EPB41L3: variants seen among roughly 807,000 people sequenced by gnomAD.
EPB41L3 encodes band 4.1-like protein 3.
In EPB41L3, 57 loss-of-function variants were observed where a neutral mutation model predicts 127.1. The observed-to-expected ratio is 0.45, with a 90% CI of 0.36 to 0.56. The LOEUF (loss-of-function observed/expected upper bound fraction) is 0.56, where lower values mean the gene tolerates loss of function less well. EPB41L3 is among the 20% of genes least tolerant of loss of function. EPB41L3 has a pLI of 0.00. For synonymous variants in EPB41L3, 572 were observed against 549.5 expected, an observed-to-expected ratio of 1.04 and a Z score of -0.57; for missense variants, 1,273 against 1,372.2, an observed-to-expected ratio of 0.93 and a Z score of 1.14.
In EPB41L3 at chr18:5,395,287, A is replaced by C. The variant is rs2073186549; in HGVS notation, c.3073-140T>G. 6.3e-6 allele frequency: 5 copies of C among 794,872 alleles called. No individual in the cohort carries two copies. The East Asian group carries it at 1.3e-4, about 21-fold the overall frequency. The allele number at this position is 794,872 out of a possible 1,614,324, so 49.2% of individuals were successfully genotyped here. A position where few individuals can be genotyped will look rare whatever the true frequency, so the allele number is the denominator to read the frequency against. Reference sequence around the variant, plus strand: ...TAGAGTTCTATGGCACTTATTTCACATTTTTAATTCCAGAGGTGAGGACGG... The same window carrying C: ...TAGAGTTCTATGGCACTTATTTCACCTTTTTAATTCCAGAGGTGAGGACGG... On this transcript the variant is annotated intron_variant, in intron 20 of 22. Transcript: ENST00000341928.
At chr18:5,530,672 T>C (rs1402150675) in intron 1 of EPB41L3, among the ~76,000 whole-genome samples, 3 of 152,118 alleles carry the variant, frequency 2.0e-5, no homozygotes, top group Admixed American at 6.5e-5. Flanking sequence ...GACTCCAGAC[T>C]CTATCCAGCT....
At chr18:5,541,491 A>G (rs540397241) in intron 1 of EPB41L3, among the ~76,000 whole-genome samples, 4 of 151,772 alleles carry the variant, frequency 2.6e-5, no homozygotes, top group Admixed American at 1.3e-4. Flanking sequence ...AATATACTAT[A>G]TAAGTCCAGA....
In EPB41L3 at chr18:5,543,922, G is replaced by T; in HGVS notation, c.-21C>A. On this transcript the variant is annotated 5_prime_UTR_variant, in exon 1 of 23. In the 5' UTR this introduces an upstream ATG that the reference lacks. Transcript: ENST00000341928. This position sits in a 1 kb window ranked among gnomAD's most constrained non-coding sequence, Gnocchi z 5.2. ...GAGGCGGAAAAGTTACCTGGGATCA[G>T]CAGGGAGCCCGGGCGCGCCGCGGCG... is the stretch of plus-strand genomic sequence containing the variant. 2 of 985,652 alleles carry T rather than the reference G, an allele frequency of 2.0e-6. No homozygotes were observed. The highest frequency in any genetic ancestry group is 2.4e-6 in the Non-Finnish European group (2 of 830,066). 61.1% of individuals were successfully genotyped at this position (985,652 alleles called of 1,614,324 possible). A position where few individuals can be genotyped will look rare whatever the true frequency, so the allele number is the denominator to read the frequency against.
At chr18:5,424,232 T>C (rs1316327169) in intron 10 of EPB41L3, 30 bp downstream of exon 10, 1 of 1,459,102 alleles carries the variant, frequency 6.9e-7, no homozygotes, top group Non-Finnish European at 9.3e-7. Context: ...AATTATTCCT[T>C]AGGGAAAAAA....
chr18:5,572,772 C>T (rs1431276511), intron 3 of EPB41L3, among the ~76,000 whole-genome samples: 1 of 152,118 alleles, frequency 6.6e-6, no homozygotes, highest in Non-Finnish European at 1.5e-5. Context: ...CCGGGTCTTG[C>T]TATGTTGCCC....
At chr18:5,447,448 CTTTTTT>C (rs10694622) in intron 3 of EPB41L3, among the ~76,000 whole-genome samples, 1 of 114,128 alleles carries the variant, frequency 8.8e-6, no homozygotes, top group Non-Finnish European at 1.7e-5. Context: ...AGCTAGACTA[CTTTTTT>C]TTTTTTTTTT....
At chr18:5,451,400 T>A (rs561767679) in intron 3 of EPB41L3, among the ~76,000 whole-genome samples, 1 of 152,220 alleles carries the variant, frequency 6.6e-6, no homozygotes, top group Non-Finnish European at 1.5e-5. Flanking sequence ...AGTCCTCTCA[T>A]CCTTCAAGGG....
chr18:5,552,645 G>A (rs1269189398), intron 3 of EPB41L3, among the ~76,000 whole-genome samples: 1 of 152,274 alleles, frequency 6.6e-6, no homozygotes, highest in East Asian at 1.9e-4. Context: ...CCAGGGATCT[G>A]TTTTCACTAA....
chr18:5,525,454 A>T (rs1197022741), intron 1 of EPB41L3, among the ~76,000 whole-genome samples: 1 of 152,192 alleles, frequency 6.6e-6, no homozygotes, highest in Non-Finnish European at 1.5e-5. Context: ...CATAAATCCA[A>T]TGAGGCTAGT....
At chr18:5,468,689 G>A (rs1004412324) in intron 3 of EPB41L3, among the ~76,000 whole-genome samples, 8 of 152,216 alleles carry the variant, frequency 5.3e-5, no homozygotes, top group African/African-American at 1.9e-4. Flanking sequence ...GAGGCGGGCA[G>A]ATCATCTGAG....
chr18:5,554,733 A>G (rs893020939), intron 3 of EPB41L3, among the ~76,000 whole-genome samples: 12 of 152,222 alleles, frequency 7.9e-5, no homozygotes, highest in Non-Finnish European at 1.5e-4. Flanking sequence ...GGGCAATTTA[A>G]TAAGCATTTA....
At chr18:5,584,175 C>T (rs1568607870) in intron 3 of EPB41L3, among the ~76,000 whole-genome samples, 1 of 152,152 alleles carries the variant, frequency 6.6e-6, no homozygotes, top group African/African-American at 2.4e-5. Flanking sequence ...GGGTTCTCTA[C>T]CCATAATGCC....
At chr18:5,571,284 T>G (rs2094277116) in intron 3 of EPB41L3, among the ~76,000 whole-genome samples, 1 of 152,242 alleles carries the variant, frequency 6.6e-6, no homozygotes, top group South Asian at 2.1e-4. Flanking sequence ...TATTAGAAAA[T>G]TATTCTTTAG....
chr18:5,478,445 AGAGCAAACAATCAACAGTTT>A lies in EPB41L3; in HGVS notation c.184-27_184-8del. The A allele has an allele frequency of 6.2e-7, 1 of 1,613,742 alleles. No individual in the cohort carries two copies. The highest frequency in any genetic ancestry group is 8.5e-7 in the Non-Finnish European group (1 of 1,179,726). On this transcript the variant is annotated splice_polypyrimidine_tract_variant and splice_region_variant and intron_variant, in intron 2 of 22. Transcript: ENST00000341928. ...CCTGTTCCTTGTCAGTGACCTGTGA[AGAGCAAACAATCAACAGTTT>A]TCATTGCAAGGTGGGAAATAAATAT...
chr18:5,469,345 C>G (rs931987043), intron 3 of EPB41L3, among the ~76,000 whole-genome samples: 2 of 152,224 alleles, frequency 1.3e-5, no homozygotes, highest in African/African-American at 4.8e-5. Context: ...TGGGTACCCA[C>G]AGCAGAAGTT....
In EPB41L3 at chr18:5,491,029, A is replaced by G. The variant is rs944122149; in HGVS notation, c.-11-1835T>C. The stretch of plus-strand genomic sequence containing the variant: ...TTTTCTTCATCTTCTTTTGGTAACT[A>G]AGCTTTCAGATCTAGCAGGTGCCTC... On this transcript the variant is annotated intron_variant, in intron 1 of 22. Transcript: ENST00000341928. Among the ~76,000 whole-genome samples the G allele has an allele frequency of 9.2e-5, 14 of 152,238 alleles. 1 individual carries two copies. Among genetic ancestry groups the G allele is most frequent in the Admixed American group, 8.5e-4 (13 of 15,288 alleles).
At chr18:5,474,850 A>C (rs1315722966) in intron 3 of EPB41L3, among the ~76,000 whole-genome samples, 1 of 152,152 alleles carries the variant, frequency 6.6e-6, no homozygotes, top group South Asian at 2.1e-4. Context: ...GCATCTGAGG[A>C]ATCAGTGGCT....
At chr18:5,542,827 A>G (rs569534597) in intron 1 of EPB41L3, among the ~76,000 whole-genome samples, 35 of 152,362 alleles carry the variant, frequency 2.3e-4, no homozygotes, top group South Asian at 1.7e-3. Context: ...CACCCACCGC[A>G]TTGCAGAAGC....
intron 3 of EPB41L3, among the ~76,000 whole-genome samples, chr18:5,460,190 A>C (rs766887650): frequency 5.3e-5 from 8 of 152,194 alleles, no homozygotes; most frequent in Non-Finnish European, 8.8e-5. Flanking sequence ...TGCTGAGGAT[A>C]ATCACTGGCT....
Sources: gnomAD v4.1 joint callset for allele counts (sites outside exome capture counted in the v4.1 genomes callset) on GRCh38, gnomAD v4.1.1 for gene constraint, Gnocchi (gnomAD v3.1) non-coding constraint, MANE v1.5 for transcripts, NCBI Gene and HGNC (gene_info 2026-07-23, HGNC 2026-07-21) for gene names.